TSPAN9: variants seen among roughly 807,000 people sequenced by gnomAD.
The protein encoded by TSPAN9 is tetraspanin-9.
A neutral mutation model predicts 31.0 loss-of-function variants in TSPAN9; 16 were observed. That is an observed-to-expected ratio of 0.52 (90% CI 0.35 to 0.78). TSPAN9 has a LOEUF of 0.78. Ranked by LOEUF, TSPAN9 falls within the 30% of genes least tolerant of loss-of-function variation. The probability of loss-of-function intolerance (pLI) is 0.01; values close to 1 mark genes in which losing one functional copy is unlikely to be tolerated. For missense variants in TSPAN9, 272 were observed against 312.5 expected, an observed-to-expected ratio of 0.87 and a Z score of 0.98; for synonymous variants, 145 against 121.6, an observed-to-expected ratio of 1.19 and a Z score of -1.27.
rs1001069206 is a variant in TSPAN9, at chr12:3,105,022, T to C, written c.-18+21303T>C. Among the ~76,000 whole-genome samples, 3 of 152,358 alleles carry C rather than the reference T, an allele frequency of 2.0e-5. No homozygotes were observed. In the East Asian group the frequency reaches 5.8e-4, roughly 29 times the overall value. On this transcript the variant is annotated intron_variant, in intron 2 of 8. Coordinates refer to ENST00000011898, the MANE Select transcript of TSPAN9 (RefSeq NM_006675.5). The stretch of plus-strand genomic sequence containing the variant: ...GGGAGAGGGGTGAGGGCAGGCCCTC[T>C]GCTTTAACTCACTTGTGTGGTAGGA...
At chr12:3,199,653 A>T (rs1056020655) in intron 2 of TSPAN9, among the ~76,000 whole-genome samples, 2 of 152,048 alleles carry the variant, frequency 1.3e-5, no homozygotes, top group Admixed American at 6.5e-5. Flanking sequence ...CAGCCGCCGC[A>T]GCGTCCCAAC....
chr12:3,280,789 A>G lies in TSPAN9; in HGVS notation c.432+306A>G, dbSNP rs1862878658. Among the ~76,000 whole-genome samples, 1 of 152,214 alleles carries G rather than the reference A, an allele frequency of 6.6e-6. No individual in the cohort carries two copies. Among genetic ancestry groups the G allele is most frequent in the South Asian group, 2.1e-4 (1 of 4,830 alleles). On this transcript the variant is annotated intron_variant, in intron 6 of 8. Coordinates refer to ENST00000011898, the MANE Select transcript of TSPAN9 (RefSeq NM_006675.5). This position sits in a 1 kb window ranked among gnomAD's most constrained non-coding sequence, Gnocchi z 4.5. ...TCCATGATGGGGCTTGGCTTAGGTG[A>G]GGAGGCCCTGGCTCTAGGAGGAGAA...
chr12:3,262,114 A>G (rs1384920320), intron 3 of TSPAN9, among the ~76,000 whole-genome samples: 2 of 152,220 alleles, frequency 1.3e-5, no homozygotes, highest in Non-Finnish European at 2.9e-5. Context: ...TTTCTCTTGA[A>G]TAATTTCTAC....
chr12:3,174,117 C>T (rs1182506883), intron 2 of TSPAN9: 1 of 152,338 alleles, frequency 6.6e-6, no homozygotes, highest in East Asian at 1.9e-4. Context: ...CTCTGTTGCC[C>T]AAGCTGGAGT....
In TSPAN9 at chr12:3,174,708, G is replaced by A. The variant is rs369367338; in HGVS notation, c.-17-26469G>A. 2.2e-3 allele frequency among the ~76,000 whole-genome samples: 335 copies of A among 150,844 alleles called. 1 individual carries two copies. Among genetic ancestry groups the A allele is most frequent in the African/African-American group, 7.2e-3 (296 of 41,370 alleles). On this transcript the variant is annotated intron_variant, in intron 2 of 8. Coordinates refer to ENST00000011898, the MANE Select transcript of TSPAN9 (RefSeq NM_006675.5). ...CGCCATTCTCCTGCCTCAGCCTCCCGAGTAGCTGGGACTACAGGCGCCCAC... is the reference window on the plus strand; with the variant it reads ...CGCCATTCTCCTGCCTCAGCCTCCCAAGTAGCTGGGACTACAGGCGCCCAC...
At chr12:3,219,969 A>T (rs923076055) in intron 3 of TSPAN9, among the ~76,000 whole-genome samples, 16 of 152,210 alleles carry the variant, frequency 1.1e-4, no homozygotes, top group Non-Finnish European at 1.8e-4. Flanking sequence ...AGCCTGGCCA[A>T]CGTGGTGAAA....
intron 2 of TSPAN9, among the ~76,000 whole-genome samples, chr12:3,087,092 C>CTA (rs2098300913): frequency 1.3e-5 from 2 of 152,184 alleles, no homozygotes; most frequent in African/African-American, 4.8e-5. Context: ...TGCAGCCATG[C>CTA]ACATGTGTGG....
intron 3 of TSPAN9, among the ~76,000 whole-genome samples, chr12:3,234,922 A>T (rs2098392531): frequency 6.6e-6 from 1 of 151,620 alleles, no homozygotes. Context: ...GCACTTTGGG[A>T]GGCCAAGGTG....
At chr12:3,177,511 C>T (rs2098356451) in intron 2 of TSPAN9, among the ~76,000 whole-genome samples, 1 of 152,114 alleles carries the variant, frequency 6.6e-6, no homozygotes, top group South Asian at 2.1e-4. Flanking sequence ...TGGCTCACTG[C>T]ACTCTCCGCC....
At chr12:3,245,958 T>G (rs1862117019) in intron 3 of TSPAN9, among the ~76,000 whole-genome samples, 1 of 152,014 alleles carries the variant, frequency 6.6e-6, no homozygotes, top group South Asian at 2.1e-4. Context: ...CTTCAGTATC[T>G]CCCTCTATAT....
Position 3,278,576 on chromosome 12 carries a change from G to T in TSPAN9, c.219G>T (p.Leu73=). The T allele has an allele frequency of 1.2e-6, 2 of 1,614,124 alleles. No homozygotes were observed. Among genetic ancestry groups the T allele is most frequent in the Non-Finnish European group, 1.7e-6 (2 of 1,180,006 alleles). Residue 73 remains leucine, a synonymous_variant, in exon 4 of 9, where the codon CTG becomes CTT. Coordinates refer to ENST00000011898, the MANE Select transcript of TSPAN9 (RefSeq NM_006675.5). ...TGGTGACGGGCTTCCTCGGCTGCCT[G>T]GGGGCCATCAAGGAAAACAAGTGCC... ...IVMVTGFLGC[L]GAIKENKCLL... is the part of the protein sequence containing the mutation.
chr12:3,093,835 A>G (rs1056938957), intron 2 of TSPAN9, among the ~76,000 whole-genome samples: 3 of 151,846 alleles, frequency 2.0e-5, no homozygotes, highest in African/African-American at 7.3e-5. Flanking sequence ...TCTTCTCTTG[A>G]TTTGCTTTGT....
rs553993735 is a variant in TSPAN9, at chr12:3,187,114, C to T, written c.-17-14063C>T. ...CCACCACTGGATTGTTACCTCTACT[C>T]TACCTGTGCTGTGCTTTCAGAGGGG... On this transcript the variant is annotated intron_variant, in intron 2 of 8. Coordinates refer to ENST00000011898, the MANE Select transcript of TSPAN9 (RefSeq NM_006675.5). The surrounding 1 kb of genome is among the most constrained non-coding windows in gnomAD (Gnocchi z 5.2). Among the ~76,000 whole-genome samples the T allele has an allele frequency of 6.6e-6, 1 of 152,318 alleles. No homozygotes were observed. Among genetic ancestry groups the T allele is most frequent in the African/African-American group, 2.4e-5 (1 of 41,564 alleles).
rs146039620 is a variant in TSPAN9, at chr12:3,227,796, G to A, written c.63+26540G>A. The stretch of plus-strand genomic sequence containing the variant: ...GTCCATGGGAGGCTTGAAGACAGGA[G>A]GAAGCCGGTTGGCAGGCCCCAGGGA... On this transcript the variant is annotated intron_variant, in intron 3 of 8. Coordinates refer to ENST00000011898, the MANE Select transcript of TSPAN9 (RefSeq NM_006675.5). Among the ~76,000 whole-genome samples the A allele has an allele frequency of 6.1e-4, 93 of 152,328 alleles. 1 individual carries two copies. The highest frequency in any genetic ancestry group is 2.1e-3 in the African/African-American group (88 of 41,574).
At position 3,282,454 on chromosome 12, in the gene TSPAN9, C is replaced by T. The variant is rs74054962; in HGVS notation, c.649-591C>T. ...TGTTGCTCAGGCTGGAGTGCGGTGG[C>T]GCCGTCATAGCTCGCTGCAGCCACA... On this transcript the variant is annotated intron_variant, in intron 8 of 8. Transcript: ENST00000011898. 6.8e-3 allele frequency among the ~76,000 whole-genome samples: 1,034 copies of T among 152,110 alleles called. 14 individuals carry two copies. The highest frequency in any genetic ancestry group is 0.024 in the African/African-American group (991 of 41,464).
chr12:3,269,040 G>C, intron 3 of TSPAN9, among the ~76,000 whole-genome samples: 1 of 81,348 alleles, frequency 1.2e-5, no homozygotes, highest in African/African-American at 4.9e-5. Context: ...TGCCCTCCCT[G>C]TGTTCCTGCA....
chr12:3,145,971 G>A (rs554383343), intron 2 of TSPAN9, among the ~76,000 whole-genome samples: 244 of 152,302 alleles, frequency 1.6e-3, no homozygotes, highest in African/African-American at 5.2e-3. Context: ...TTGGCCTTGC[G>A]AGCGAGCCAC....
chr12:3,120,663 T>TTGAGCTTGGCACGGGCC (rs2098324634), intron 2 of TSPAN9, among the ~76,000 whole-genome samples: 1 of 152,176 alleles, frequency 6.6e-6, no homozygotes, highest in African/African-American at 2.4e-5. Flanking sequence ...GGGCAGGAAG[T>TTGAGCTTGGCACGGGCC]TGAGCTTGGC....
chr12:3,281,415 G>A lies in TSPAN9; in HGVS notation c.564+86G>A, dbSNP rs913481405. 41 of 1,458,292 alleles carry A rather than the reference G, an allele frequency of 2.8e-5. No homozygotes were observed. In the Admixed American group the frequency reaches 8.2e-4, roughly 29 times the overall value. The allele number at this position is 1,458,292 out of a possible 1,614,324, so 90.3% of individuals were successfully genotyped here. On this transcript the variant is annotated intron_variant, in intron 7 of 8. Coordinates refer to ENST00000011898, the MANE Select transcript of TSPAN9 (RefSeq NM_006675.5). The stretch of plus-strand genomic sequence containing the variant: ...GAGCCCTATAGGGGAGGCTGGGCCC[G>A]GGACACTAAGAGGTTGGCTGAATGT...
Sources: allele counts gnomAD v4.1 joint callset (sites outside exome capture counted in the v4.1 genomes callset), GRCh38; gene constraint gnomAD v4.1.1; non-coding constraint Gnocchi (gnomAD v3.1); transcripts MANE v1.5; gene names NCBI Gene and HGNC (gene_info 2026-07-23, HGNC 2026-07-21).